STX8: variants seen among roughly 807,000 people sequenced by gnomAD.
The protein encoded by STX8 is syntaxin 8.
In STX8, 23 loss-of-function variants were observed where a neutral mutation model predicts 37.5. The ratio of observed to expected loss-of-function variants is 0.61; its 90% CI spans 0.44 to 0.87. The LOEUF (loss-of-function observed/expected upper bound fraction) is 0.87, where lower values mean the gene tolerates loss of function less well. Ranked by LOEUF, STX8 falls within the 40% of genes least tolerant of loss-of-function variation. The pLI is 0.00. For missense variants in STX8, 313 were observed against 284.7 expected (o/e 1.10, Z -0.71); for synonymous variants, 115 against 99.1 (o/e 1.16, Z -0.95).
intron 6 of STX8, among the ~76,000 whole-genome samples, chr17:9,471,600 C>A (rs377577606): frequency 4.6e-5 from 7 of 152,280 alleles, no homozygotes; most frequent in Non-Finnish European, 8.8e-5. Context: ...TTCATTAACA[C>A]CTGGTTTCCT....
chr17:9,396,426 G>C (rs1912404275), intron 6 of STX8, among the ~76,000 whole-genome samples: 2 of 152,170 alleles, frequency 1.3e-5, no homozygotes, highest in Non-Finnish European at 2.9e-5. Flanking sequence ...GCTCACGCCT[G>C]TAATCCCGCA....
intron 6 of STX8, among the ~76,000 whole-genome samples, chr17:9,445,530 T>TGGGGGGGGGGGGGG (rs1904815449): frequency 5.3e-5 from 3 of 56,172 alleles, no homozygotes; most frequent in African/African-American, 6.8e-5. Flanking sequence ...GGGGTGGGGG[T>TGGGGGGGGGGGGGG]GAGGGCTCAC....
chr17:9,346,259 T>TCA (rs376876111), intron 7 of STX8, among the ~76,000 whole-genome samples: 9 of 152,182 alleles, frequency 5.9e-5, no homozygotes, highest in African/African-American at 2.2e-4. Flanking sequence ...GCTTTGCCTT[T>TCA]CAGTATCACT....
chr17:9,310,154 A>AAAC (rs111961603), intron 7 of STX8, among the ~76,000 whole-genome samples: 17,885 of 151,922 alleles, frequency 0.12, 3,316 homozygotes, highest in African/African-American at 0.4. Flanking sequence ...GGGGGAAAAA[A>AAAC]AACAACATAC....
At chr17:9,500,616 C>T (rs1474171264) in intron 5 of STX8, among the ~76,000 whole-genome samples, 1 of 152,158 alleles carries the variant, frequency 6.6e-6, no homozygotes, top group Non-Finnish European at 1.5e-5. Flanking sequence ...TTTGGCAAGG[C>T]TGCATGATCC....
At chr17:9,255,995 CA>C (rs1333707086) in intron 7 of STX8, among the ~76,000 whole-genome samples, 1 of 152,202 alleles carries the variant, frequency 6.6e-6, no homozygotes, top group African/African-American at 2.4e-5. Context: ...AATGAGTAAG[CA>C]GGGATCTTTT....
In STX8 at chr17:9,575,785, G is replaced by A. The variant is rs1700955603; in HGVS notation, c.17+7C>T. On this transcript the variant is annotated splice_region_variant and intron_variant, in intron 1 of 7. Coordinates refer to ENST00000306357, the MANE Select transcript of STX8 (RefSeq NM_004853.3). ...TCCACGCACCGCCGCCCTCACCCGG[G>A]ACTCACCAGGGGTCCGGTGCCATCC... is the stretch of plus-strand genomic sequence containing the variant. The A allele has an allele frequency of 6.5e-7, 1 of 1,544,080 alleles. No individual in the cohort carries two copies. The highest frequency in any genetic ancestry group is 8.7e-7 in the Non-Finnish European group (1 of 1,146,314).
intron 7 of STX8, among the ~76,000 whole-genome samples, chr17:9,253,451 G>T (rs1462293214): frequency 6.6e-6 from 1 of 152,110 alleles, no homozygotes; most frequent in Non-Finnish European, 1.5e-5. Context: ...TTATTCTGGT[G>T]CCTGTGTGGT....
chr17:9,424,512 C>T (rs79646789), intron 6 of STX8, among the ~76,000 whole-genome samples: 4,227 of 152,088 alleles, frequency 0.028, 178 homozygotes, highest in African/African-American at 0.09. Flanking sequence ...TAAAGTGCAG[C>T]GCCTGGCCTT....
intron 3 of STX8, among the ~76,000 whole-genome samples, chr17:9,551,896 G>A (rs1194982071): frequency 6.6e-6 from 1 of 151,876 alleles, no homozygotes; most frequent in Non-Finnish European, 1.5e-5. Flanking sequence ...AAAACTAGGG[G>A]GGGGTGTAAC....
intron 4 of STX8, among the ~76,000 whole-genome samples, chr17:9,537,649 T>C (rs1157332764): frequency 1.3e-5 from 2 of 152,196 alleles, no homozygotes; most frequent in Non-Finnish European, 2.9e-5. Context: ...GGCTGGATGT[T>C]ACGGAAGATA....
At chr17:9,322,901 G>GA (rs796442636) in intron 7 of STX8, among the ~76,000 whole-genome samples, 2,600 of 129,724 alleles carry the variant, frequency 0.02, 70 homozygotes, top group African/African-American at 0.067. Flanking sequence ...CTTTTATGAG[G>GA]AAAAAAAAAA....
intron 7 of STX8, among the ~76,000 whole-genome samples, chr17:9,312,648 G>C (rs1909232586): frequency 6.6e-6 from 1 of 152,200 alleles, no homozygotes; most frequent in Non-Finnish European, 1.5e-5. Flanking sequence ...GATTTGTTAG[G>C]AGAGCAAGGC....
intron 6 of STX8, among the ~76,000 whole-genome samples, chr17:9,488,984 C>G (rs913508060): frequency 6.6e-5 from 10 of 152,200 alleles, no homozygotes; most frequent in Admixed American, 1.3e-4. Context: ...TCAAGCGATT[C>G]TCCTGCCTCA....
chr17:9,391,852 C>T (rs962045274), intron 6 of STX8, among the ~76,000 whole-genome samples: 4 of 152,252 alleles, frequency 2.6e-5, no homozygotes, highest in African/African-American at 7.2e-5. Context: ...AGGAAGATCA[C>T]AGACTGGGAG....
In STX8 at chr17:9,499,970, G is replaced by T. The variant is rs150873812; in HGVS notation, c.448+5068C>A. Among the ~76,000 whole-genome samples, 15 of 152,316 alleles carry T rather than the reference G, an allele frequency of 9.8e-5. 1 individual carries two copies. The Middle Eastern group carries it at 0.01, about 104-fold the overall frequency. ...TGAAAACAGCTTTTCTTGGCAAAATGCAACAATGCCAGAAAATGCATGAGT... is the reference window on the plus strand; with the variant it reads ...TGAAAACAGCTTTTCTTGGCAAAATTCAACAATGCCAGAAAATGCATGAGT... On this transcript the variant is annotated intron_variant, in intron 5 of 7. Coordinates refer to ENST00000306357, the MANE Select transcript of STX8 (RefSeq NM_004853.3).
At chr17:9,544,712 G>T (rs1038373442) in intron 4 of STX8, among the ~76,000 whole-genome samples, 10 of 152,066 alleles carry the variant, frequency 6.6e-5, no homozygotes, top group African/African-American at 2.4e-4. Context: ...ACGAAAACTG[G>T]CCGGGCGCAG....
rs1483583131 is a variant in STX8 at position 9,562,103 on chromosome 17, T to A, written c.118-4575A>T. Reference sequence around the variant, plus strand: ...AATTAGATTGACAGCCAACTTCATTTAAAAAAAAAAAAACTTTCGGCCGGG... The same window carrying A: ...AATTAGATTGACAGCCAACTTCATTAAAAAAAAAAAAAACTTTCGGCCGGG... On this transcript the variant is annotated intron_variant, in intron 2 of 7. Transcript: ENST00000306357. Among the ~76,000 whole-genome samples, 21 of 147,918 alleles carry A rather than the reference T, an allele frequency of 1.4e-4. 1 individual carries two copies. The highest frequency in any genetic ancestry group is 5.2e-4 in the African/African-American group (21 of 40,556).
intron 4 of STX8, among the ~76,000 whole-genome samples, chr17:9,529,307 G>A (rs1905715053): frequency 6.6e-6 from 1 of 152,092 alleles, no homozygotes; most frequent in South Asian, 2.1e-4. Flanking sequence ...GTGTGTATCT[G>A]TATGCATATG....
Sources: allele counts gnomAD v4.1 joint callset (sites outside exome capture counted in the v4.1 genomes callset), GRCh38; gene constraint gnomAD v4.1.1; transcripts MANE v1.5; gene names NCBI Gene and HGNC (gene_info 2026-07-23, HGNC 2026-07-21).